The following TBX5 variants were observed in gnomAD, a reference collection of about 807,000 sequenced individuals.
The protein encoded by TBX5 is T-box transcription factor TBX5.
TBX5 carries 8 observed loss-of-function variants against 51.1 expected under a neutral mutation model. The ratio of observed to expected loss-of-function variants is 0.16; its 90% CI spans 0.09 to 0.28. The LOEUF (loss-of-function observed/expected upper bound fraction) is 0.28. Ranked by LOEUF, TBX5 falls within the 10% of genes least tolerant of loss-of-function variation. TBX5 has a pLI of 1.00. For synonymous variants in TBX5, 302 were observed against 266.4 expected (o/e 1.13, Z -1.30); for missense variants, 589 against 671.7 (o/e 0.88, Z 1.36).
chr12:114,383,024 C>A (rs140360556), intron 7 of TBX5, among the ~76,000 whole-genome samples: 2 of 150,964 alleles, frequency 1.3e-5, no homozygotes, highest in Non-Finnish European at 3.0e-5. Context: ...CCCTTGATGA[C>A]TGACATCTGA....
intron 8 of TBX5, among the ~76,000 whole-genome samples, chr12:114,361,944 G>A (rs187656903): frequency 6.6e-6 from 1 of 152,082 alleles, no homozygotes; most frequent in Non-Finnish European, 1.5e-5. Flanking sequence ...TCTCCAGGGT[G>A]CATACCCCAT....
At chr12:114,378,061 G>A (rs567541365) in intron 7 of TBX5, among the ~76,000 whole-genome samples, 52 of 152,170 alleles carry the variant, frequency 3.4e-4, no homozygotes, top group Admixed American at 1.4e-3. Context: ...CAGGGACCAC[G>A]CCCCTGATGC....
intron 8 of TBX5, among the ~76,000 whole-genome samples, chr12:114,361,309 A>G (rs552597563): frequency 6.6e-6 from 1 of 152,314 alleles, no homozygotes; most frequent in South Asian, 2.1e-4. Flanking sequence ...GCACCCTGCA[A>G]AGCCCTTTTC....
At chr12:114,358,408 G>C (rs1227013254) in intron 8 of TBX5, among the ~76,000 whole-genome samples, 2 of 152,162 alleles carry the variant, frequency 1.3e-5, no homozygotes, top group Non-Finnish European at 2.9e-5. Context: ...TAAATCCTTT[G>C]GCTTTGGACT....
At position 114,355,928 on chromosome 12, in the gene TBX5, G is replaced by T. The variant is rs753688559; in HGVS notation, c.1161C>A (p.Ser387Arg). The T allele has an allele frequency of 9.3e-6, 15 of 1,613,612 alleles. No homozygotes were observed. The highest frequency in any genetic ancestry group is 1.3e-5 in the Non-Finnish European group (15 of 1,180,038). Reference sequence around the variant, plus strand: ...TGTCCTCTAGGCTGGGCACAGGCTCGCTGGGGGGCGCAGAGCTGGCATACA... The same window carrying T: ...TGTCCTCTAGGCTGGGCACAGGCTCTCTGGGGGGCGCAGAGCTGGCATACA... Reference protein sequence around the residue: ...ACMYASSAPPSEPVPSLEDIS... With the variant: ...ACMYASSAPPREPVPSLEDIS... Residue 387 changes from serine to arginine, a missense_variant, in exon 9 of 9, where the codon AGC becomes AGA. By Grantham distance (110) the Ser-to-Arg change is moderately radical (BLOSUM62 -1). This residue lies in a region of TBX5 where 348 missense variants were observed against 360.4 expected (regional missense o/e 0.97). Coordinates refer to ENST00000405440, the MANE Select transcript of TBX5 (RefSeq NM_181486.4).
At chr12:114,408,251 C>T, upstream of TBX5, 1 of 976,274 alleles carries the variant, frequency 1.0e-6, no homozygotes, top group Non-Finnish European at 1.2e-6. Flanking sequence ...TAAATAAAGA[C>T]ATAAACCAAC....
chr12:114,394,969 C>G, intron 5 of TBX5, 76 bp from the exon 6 acceptor site: 1 of 1,497,164 alleles, frequency 6.7e-7, no homozygotes, highest in South Asian at 1.2e-5. Flanking sequence ...CTGCTCCCCG[C>G]CCTCTAAATT....
intron 6 of TBX5, among the ~76,000 whole-genome samples, chr12:114,387,512 G>C (rs1322965364): frequency 6.6e-6 from 1 of 152,206 alleles, no homozygotes; most frequent in East Asian, 1.9e-4. Flanking sequence ...GTTGGAAAGA[G>C]GGAGGGATGA....
At chr12:114,396,696 C>A (rs1041694407) in intron 5 of TBX5, among the ~76,000 whole-genome samples, 6 of 152,146 alleles carry the variant, frequency 3.9e-5, no homozygotes, top group African/African-American at 1.4e-4. Flanking sequence ...CCACGCAGGA[C>A]CCCACCCAAG....
chr12:114,400,469 G>A (rs2136419574), intron 3 of TBX5, among the ~76,000 whole-genome samples: 1 of 152,358 alleles, frequency 6.6e-6, no homozygotes, highest in Non-Finnish European at 1.5e-5. Context: ...CACCTTCTGA[G>A]GAACATGCCC....
intron 6 of TBX5, among the ~76,000 whole-genome samples, chr12:114,393,553 A>G (rs1340700490): frequency 6.6e-6 from 1 of 152,194 alleles, no homozygotes; most frequent in Non-Finnish European, 1.5e-5. Context: ...TAAGGAACAG[A>G]GGTGAATCCT....
chr12:114,358,496 G>A (rs1211855984), intron 8 of TBX5, among the ~76,000 whole-genome samples: 2 of 152,092 alleles, frequency 1.3e-5, no homozygotes, highest in African/African-American at 4.8e-5. Flanking sequence ...TTGTATCAAT[G>A]TCCAAGTGAC....
intron 8 of TBX5, among the ~76,000 whole-genome samples, 193 bp from the exon 9 acceptor site, chr12:114,356,299 A>G (rs1868914944): frequency 6.6e-6 from 1 of 152,212 alleles, no homozygotes; most frequent in Non-Finnish European, 1.5e-5. Flanking sequence ...CTATGCAAAC[A>G]GTTTGACCTT....
At chr12:114,386,358 G>A (rs946583889) in intron 6 of TBX5, among the ~76,000 whole-genome samples, 8 of 152,142 alleles carry the variant, frequency 5.3e-5, no homozygotes, top group Admixed American at 1.3e-4. Flanking sequence ...CCAGGTGACA[G>A]AAGGCAACCA....
At chr12:114,387,859 T>C (rs1013686039) in intron 6 of TBX5, among the ~76,000 whole-genome samples, 23 of 152,196 alleles carry the variant, frequency 1.5e-4, no homozygotes, top group Non-Finnish European at 3.1e-4. Context: ...TGTTTGGATA[T>C]GGGGTCTCAA....
At chr12:114,390,460 A>G (rs913189175) in intron 6 of TBX5, among the ~76,000 whole-genome samples, 2 of 152,260 alleles carry the variant, frequency 1.3e-5, no homozygotes, top group African/African-American at 4.8e-5. Flanking sequence ...GGAGTGGGGG[A>G]AAAACAAACA....
In TBX5 at chr12:114,359,136, C is replaced by T. The variant is rs115390890; in HGVS notation, c.983-3030G>A. Among the ~76,000 whole-genome samples the T allele has an allele frequency of 5.7e-3, 872 of 152,210 alleles. 9 individuals carry two copies. The highest frequency in any genetic ancestry group is 0.02 in the African/African-American group (828 of 41,536). On this transcript the variant is annotated intron_variant, in intron 8 of 8. Coordinates refer to ENST00000405440, the MANE Select transcript of TBX5 (RefSeq NM_181486.4). ...ACGGCCGGAACACATTTTGGAAAAT[C>T]GTAAAATTATACATTCCAGTCTTTA...
At chr12:114,398,883 G>A (rs1222037506) in intron 4 of TBX5, among the ~76,000 whole-genome samples, 163 bp from the exon 5 acceptor site, 1 of 152,186 alleles carries the variant, frequency 6.6e-6, no homozygotes, top group Non-Finnish European at 1.5e-5. Flanking sequence ...AATCCCAGCT[G>A]CCCCAGAATA....
At chr12:114,367,414 C>T (rs1367844478) in intron 7 of TBX5, among the ~76,000 whole-genome samples, 2 of 152,114 alleles carry the variant, frequency 1.3e-5, no homozygotes, top group African/African-American at 2.4e-5. Context: ...AATAAAAATT[C>T]CATGACATCA....
Sources: allele counts gnomAD v4.1 joint callset (sites outside exome capture counted in the v4.1 genomes callset), GRCh38; gene constraint gnomAD v4.1.1; regional missense constraint gnomAD v4.1.1; transcripts MANE v1.5; gene names NCBI Gene and HGNC (gene_info 2026-07-23, HGNC 2026-07-21).